The following BMERB1 variants were observed in gnomAD, a reference collection of about 807,000 sequenced individuals.
BMERB1 encodes the protein bMERB domain-containing protein 1.
A neutral mutation model predicts 23.6 loss-of-function variants in BMERB1; 12 were observed. The ratio of observed to expected loss-of-function variants is 0.51; its 90% CI spans 0.33 to 0.82. BMERB1 has a LOEUF of 0.82. BMERB1 is among the 40% of genes least tolerant of loss of function. The pLI, the probability that BMERB1 is intolerant of heterozygous loss-of-function variation, is 0.03. For synonymous variants in BMERB1, 122 were observed against 96.6 expected, an observed-to-expected ratio of 1.26 and a Z score of -1.54; for missense variants, 247 against 255.4, an observed-to-expected ratio of 0.97 and a Z score of 0.22.
intron 2 of BMERB1, among the ~76,000 whole-genome samples, chr16:15,534,520 C>T (rs1384240056): frequency 6.6e-6 from 1 of 151,992 alleles, no homozygotes. Flanking sequence ...TGCCACTACA[C>T]TCCAGCCTGG....
intron 3 of BMERB1, among the ~76,000 whole-genome samples, chr16:15,569,729 A>G (rs1423625171): frequency 4.6e-5 from 7 of 152,146 alleles, no homozygotes; most frequent in African/African-American, 1.7e-4. Flanking sequence ...CAGAAATGCA[A>G]AACCTAAAGA....
intron 1 of BMERB1, among the ~76,000 whole-genome samples, chr16:15,460,513 G>A (rs367585241): frequency 3.3e-5 from 5 of 152,044 alleles, no homozygotes; most frequent in East Asian, 3.9e-4. Flanking sequence ...ACTCATTATC[G>A]GAGCAGGATC....
At chr16:15,577,687 C>G (rs944562960) in intron 3 of BMERB1, among the ~76,000 whole-genome samples, 2 of 152,252 alleles carry the variant, frequency 1.3e-5, no homozygotes, top group Non-Finnish European at 2.9e-5. Flanking sequence ...TTTTATGTCT[C>G]TCCTCCCTTC....
intron 1 of BMERB1, among the ~76,000 whole-genome samples, chr16:15,465,686 TAAAAC>T (rs1379004426): frequency 6.6e-6 from 1 of 152,022 alleles, no homozygotes; most frequent in Non-Finnish European, 1.5e-5. Context: ...TTTAGAAAAA[TAAAAC>T]AAAACCTTAA....
chr16:15,567,889 C>T, intron 2 of BMERB1, 94 bp from the exon 3 acceptor site: 3 of 1,180,642 alleles, frequency 2.5e-6, no homozygotes, highest in Non-Finnish European at 3.6e-6. Flanking sequence ...AAAGATAACC[C>T]ACCTTTAATA....
chr16:15,525,207 C>A (rs1215127869), intron 2 of BMERB1, among the ~76,000 whole-genome samples: 1 of 152,152 alleles, frequency 6.6e-6, no homozygotes, highest in East Asian at 1.9e-4. Context: ...GAGGGAACTC[C>A]TGCTGCCTGA....
chr16:15,504,576 G>A (rs951652694), intron 1 of BMERB1, among the ~76,000 whole-genome samples: 13 of 151,724 alleles, frequency 8.6e-5, no homozygotes, highest in African/African-American at 3.1e-4. Context: ...AGCCTCCCAA[G>A]TAGCTGGGAC....
chr16:15,484,213 G>T (rs558836328), intron 1 of BMERB1, among the ~76,000 whole-genome samples: 2 of 152,220 alleles, frequency 1.3e-5, no homozygotes, highest in African/African-American at 4.8e-5. Context: ...CAACACTGGG[G>T]ATCAAATTTT....
intron 2 of BMERB1, among the ~76,000 whole-genome samples, chr16:15,526,507 TAC>T (rs1388472767): frequency 2.6e-5 from 4 of 151,642 alleles, no homozygotes; most frequent in Non-Finnish European, 4.4e-5. Context: ...CTACTAAAAA[TAC>T]AAAAATTAGC....
chr16:15,514,400 G>A lies in BMERB1; in HGVS notation c.107-905G>A, dbSNP rs560556151. ...CCACAGGGCAAAGTGGTCGTGGTCA[G>A]GGGGAGCAGAGGCTTAGAATCTGGG... On this transcript the variant is annotated intron_variant, in intron 1 of 5. Coordinates refer to ENST00000300006, the MANE Select transcript of BMERB1 (RefSeq NM_033201.3). 4.5e-4 allele frequency among the ~76,000 whole-genome samples: 69 copies of A among 152,324 alleles called. 1 individual carries two copies. The highest frequency in any genetic ancestry group is 1.6e-3 in the African/African-American group (66 of 41,564).
intron 1 of BMERB1, among the ~76,000 whole-genome samples, chr16:15,471,871 C>T (rs1365999721): frequency 6.6e-6 from 1 of 152,204 alleles, no homozygotes; most frequent in Non-Finnish European, 1.5e-5. Flanking sequence ...AGCCACTGCA[C>T]CCAGCCCTCT....
At chr16:15,540,580 C>T (rs1477476233) in intron 2 of BMERB1, among the ~76,000 whole-genome samples, 1 of 152,126 alleles carries the variant, frequency 6.6e-6, no homozygotes, top group African/African-American at 2.4e-5. Flanking sequence ...GCCATGGTAA[C>T]GTGCAAGTGA....
At chr16:15,560,955 T>TTC (rs2030401344) in intron 2 of BMERB1, among the ~76,000 whole-genome samples, 1 of 130,598 alleles carries the variant, frequency 7.7e-6, no homozygotes, top group African/African-American at 2.9e-5. Flanking sequence ...TCTGCTGCTT[T>TTC]TTTTTTTTTT....
intron 1 of BMERB1, among the ~76,000 whole-genome samples, chr16:15,451,191 C>T (rs1277791746): frequency 3.9e-5 from 6 of 152,072 alleles, no homozygotes; most frequent in Non-Finnish European, 7.4e-5. Context: ...TTTGTTTGTT[C>T]GTTTTCTGAG....
At position 15,574,750 on chromosome 16, in the gene BMERB1, G is replaced by C. The variant is rs537993418; in HGVS notation, c.305-6467G>C. Among the ~76,000 whole-genome samples the C allele has an allele frequency of 2.0e-5, 3 of 152,228 alleles. No individual in the cohort carries two copies. The East Asian group carries it at 5.8e-4, about 29-fold the overall frequency. On this transcript the variant is annotated intron_variant, in intron 3 of 5. Coordinates refer to ENST00000300006, the MANE Select transcript of BMERB1 (RefSeq NM_033201.3). ...GGTAGATTGAAAGATTTTCTAATTTGCAATTGGTTAAGGAAGAGAAGCTTT... is the reference window on the plus strand; with the variant it reads ...GGTAGATTGAAAGATTTTCTAATTTCCAATTGGTTAAGGAAGAGAAGCTTT...
At chr16:15,453,163 C>T (rs1248378955) in intron 1 of BMERB1, among the ~76,000 whole-genome samples, 3 of 152,068 alleles carry the variant, frequency 2.0e-5, no homozygotes, top group Non-Finnish European at 1.5e-5. Flanking sequence ...CAGCACGAGA[C>T]TCTGTCTCAA....
At chr16:15,550,395 C>T (rs1480706612) in intron 2 of BMERB1, among the ~76,000 whole-genome samples, 3 of 152,112 alleles carry the variant, frequency 2.0e-5, no homozygotes, top group Non-Finnish European at 4.4e-5. Context: ...TGCAGTGGCA[C>T]AATCTCAGCT....
chr16:15,463,210 C>G (rs1439646648), intron 1 of BMERB1, among the ~76,000 whole-genome samples: 1 of 151,606 alleles, frequency 6.6e-6, no homozygotes, highest in East Asian at 1.9e-4. Flanking sequence ...TCCTGAGTAG[C>G]TGGGGCCACA....
In BMERB1 at chr16:15,528,603, G is replaced by C. The variant is rs549985408; in HGVS notation, c.230+13175G>C. On this transcript the variant is annotated intron_variant, in intron 2 of 5. Coordinates refer to ENST00000300006, the MANE Select transcript of BMERB1 (RefSeq NM_033201.3). ...CACCACTCCCTTGGGCCTCCTTTTA[G>C]TCTCCACCTCCCCACCCCCCGATAC... Among the ~76,000 whole-genome samples the C allele has an allele frequency of 4.6e-4, 70 of 151,350 alleles. 1 individual carries two copies. Among genetic ancestry groups the C allele is most frequent in the African/African-American group, 1.6e-3 (67 of 41,218 alleles).
Sources: allele counts gnomAD v4.1 joint callset (sites outside exome capture counted in the v4.1 genomes callset), GRCh38; gene constraint gnomAD v4.1.1; transcripts MANE v1.5; gene names NCBI Gene and HGNC (gene_info 2026-07-23, HGNC 2026-07-21).